Variants in CSMD2 observed in about 807,000 individuals in gnomAD.
CSMD2 encodes the protein CUB and sushi domain-containing protein 2.
A neutral mutation model predicts 398.5 loss-of-function variants in CSMD2; 130 were observed. That is an observed-to-expected ratio of 0.33 (90% CI 0.28 to 0.38). The LOEUF is 0.38. CSMD2 is among the 10% of genes least tolerant of loss of function. The pLI, the probability that CSMD2 is intolerant of heterozygous loss-of-function variation, is 1.00. For missense variants in CSMD2, 3,829 were observed against 4,764.9 expected (o/e 0.80, Z 5.78); for synonymous variants, 1,828 against 1,908.5 (o/e 0.96, Z 1.10).
chr1:33,599,229 G>A (rs1401220968), intron 44 of CSMD2: 1 of 152,238 alleles, frequency 6.6e-6, no homozygotes, highest in African/African-American at 2.4e-5. Context: ...GAAGAACTTG[G>A]AAATAAGGAT....
intron 24 of CSMD2, among the ~76,000 whole-genome samples, chr1:33,693,843 C>T (rs569987249): frequency 2.6e-5 from 4 of 152,086 alleles, no homozygotes; most frequent in East Asian, 1.9e-4. Context: ...GGCTTACCTG[C>T]GGTCGGGAGT....
chr1:34,066,727 G>T (rs1655155593), intron 2 of CSMD2, among the ~76,000 whole-genome samples: 1 of 152,070 alleles, frequency 6.6e-6, no homozygotes, highest in South Asian at 2.1e-4. Flanking sequence ...CAGGGGGTTG[G>T]GTACACTGCA....
chr1:33,550,888 G>C (rs1022195147), intron 55 of CSMD2, among the ~76,000 whole-genome samples: 8 of 152,198 alleles, frequency 5.3e-5, no homozygotes, highest in Admixed American at 2.6e-4. Flanking sequence ...TGAGAAGATA[G>C]AACACCAGAA....
chr1:33,921,828 T>C (rs557608503), intron 4 of CSMD2, among the ~76,000 whole-genome samples: 2 of 152,178 alleles, frequency 1.3e-5, no homozygotes, highest in South Asian at 4.2e-4. Flanking sequence ...AGAAAGATGA[T>C]TTGGTCCCAT....
intron 5 of CSMD2, chr1:33,878,340 C>T (rs1640990031): frequency 1.3e-5 from 2 of 152,250 alleles, no homozygotes; most frequent in Admixed American, 1.3e-4. Flanking sequence ...CGGGGACAGA[C>T]AGCATCACAG....
chr1:33,789,250 G>A (rs1323211434), intron 11 of CSMD2, among the ~76,000 whole-genome samples: 2 of 152,112 alleles, frequency 1.3e-5, no homozygotes, highest in African/African-American at 4.8e-5. Flanking sequence ...ATTATCTGAG[G>A]GCCACATTCT....
intron 2 of CSMD2, among the ~76,000 whole-genome samples, chr1:34,072,461 C>T (rs753478113): frequency 6.6e-5 from 10 of 152,130 alleles, no homozygotes; most frequent in Admixed American, 3.9e-4. Flanking sequence ...ACAGTGCTGT[C>T]AGCAGCCACT....
intron 27 of CSMD2, among the ~76,000 whole-genome samples, chr1:33,655,226 T>A (rs1259914070): frequency 6.6e-6 from 1 of 152,220 alleles, no homozygotes; most frequent in Non-Finnish European, 1.5e-5. Context: ...TTGGAAGTCA[T>A]ACAATCCTGA....
intron 15 of CSMD2, among the ~76,000 whole-genome samples, chr1:33,733,089 C>T (rs1003689031): frequency 3.9e-5 from 6 of 152,178 alleles, no homozygotes; most frequent in Non-Finnish European, 8.8e-5. Context: ...GGAATGCCCA[C>T]CTCAACCACT....
At chr1:33,922,786 C>A (rs192648693) in intron 4 of CSMD2, among the ~76,000 whole-genome samples, 3 of 152,234 alleles carry the variant, frequency 2.0e-5, no homozygotes, top group Admixed American at 6.5e-5. Context: ...TCAATCCTGT[C>A]CCCCGCCATC....
At position 33,665,164 on chromosome 1, in the gene CSMD2, T is replaced by C. The variant is rs377554561; in HGVS notation, c.4053-2072A>G. ...AACTTTTGAAATTCTACTTATATAT[T>C]ATGACTTTTATTTACCTTATATTTT... On this transcript the variant is annotated intron_variant, in intron 25 of 70. Coordinates refer to ENST00000373381, the MANE Select transcript of CSMD2 (RefSeq NM_001281956.2). Among the ~76,000 whole-genome samples, 70 of 152,246 alleles carry C rather than the reference T, an allele frequency of 4.6e-4. No individual in the cohort carries two copies. In the South Asian group the frequency reaches 0.014, roughly 30 times the overall value.
chr1:33,890,561 GCT>G (rs1371116879), intron 5 of CSMD2, among the ~76,000 whole-genome samples: 1 of 151,754 alleles, frequency 6.6e-6, no homozygotes, highest in Admixed American at 6.6e-5. Context: ...TTTTTTGTGG[GCT>G]CTTTTTTTCA....
At chr1:33,817,663 A>T (rs1657627705) in intron 9 of CSMD2, among the ~76,000 whole-genome samples, 1 of 152,252 alleles carries the variant, frequency 6.6e-6, no homozygotes, top group Non-Finnish European at 1.5e-5. Context: ...TGTGCACGTA[A>T]GTCTCACAGA....
rs771126 is a variant in CSMD2 at position 34,161,205 on chromosome 1, A to G, written c.187+3706T>C. Among the ~76,000 whole-genome samples the G allele has an allele frequency of 7.0e-3, 1,070 of 152,356 alleles. 7 individuals are homozygous for G. Among genetic ancestry groups the G allele is most frequent in the South Asian group, 0.034 (163 of 4,824 alleles). ...TACGGGAGGCTTAAGAAAGAAGCTA[A>G]TAAGATTGCTCTGGAAGGGAAATAT... On this transcript the variant is annotated intron_variant, in intron 1 of 70. Coordinates refer to ENST00000373381, the MANE Select transcript of CSMD2 (RefSeq NM_001281956.2).
At chr1:33,596,908 T>C (rs190908514) in intron 44 of CSMD2, among the ~76,000 whole-genome samples, 1 of 152,322 alleles carries the variant, frequency 6.6e-6, no homozygotes, top group African/African-American at 2.4e-5. Flanking sequence ...TTAGCTTTCG[T>C]TTTATTTATC....
intron 55 of CSMD2, among the ~76,000 whole-genome samples, chr1:33,553,095 G>A (rs1029047688): frequency 3.3e-5 from 5 of 152,134 alleles, no homozygotes; most frequent in African/African-American, 9.7e-5. Context: ...CTAAAAGAAG[G>A]AAGCTGGTTA....
At chr1:33,520,159 C>G (rs1039961057) in intron 68 of CSMD2, among the ~76,000 whole-genome samples, 1 of 152,222 alleles carries the variant, frequency 6.6e-6, no homozygotes, top group Non-Finnish European at 1.5e-5. Context: ...CTGCATGCAT[C>G]TACCTTGTGC....
intron 5 of CSMD2, among the ~76,000 whole-genome samples, chr1:33,865,471 G>A (rs1639962285): frequency 6.6e-6 from 1 of 150,882 alleles, no homozygotes. Flanking sequence ...TGTATAATAT[G>A]TGGCCTCCAC....
intron 3 of CSMD2, among the ~76,000 whole-genome samples, chr1:33,972,616 C>T (rs1033421732): frequency 2.6e-5 from 4 of 151,968 alleles, no homozygotes; most frequent in African/African-American, 9.7e-5. Context: ...GAGGACGGGG[C>T]CATAATCCAA....
Sources: gnomAD v4.1 joint callset for allele counts (sites outside exome capture counted in the v4.1 genomes callset) on GRCh38, gnomAD v4.1.1 for gene constraint, MANE v1.5 for transcripts, NCBI Gene and HGNC (gene_info 2026-07-23, HGNC 2026-07-21) for gene names.